Variants in PDE4D observed in about 807,000 individuals in gnomAD.
PDE4D encodes the protein phosphodiesterase 4D, also known as 3',5'-cyclic-AMP phosphodiesterase 4D.
A neutral mutation model predicts 87.4 loss-of-function variants in PDE4D; 24 were observed. The observed-to-expected ratio is 0.27, with a 90% confidence interval of 0.20 to 0.39. The LOEUF (loss-of-function observed/expected upper bound fraction) is 0.39. Ranked by LOEUF, PDE4D falls within the 10% of genes least tolerant of loss-of-function variation. PDE4D has a pLI of 1.00. For synonymous variants in PDE4D, 384 were observed against 383.2 expected (o/e 1.00, Z -0.02); for missense variants, 714 against 1,041.0 (o/e 0.69, Z 4.32).
chr5:59,212,940 C>G (rs939555969), intron 2 of PDE4D, among the ~76,000 whole-genome samples: 3 of 151,806 alleles, frequency 2.0e-5, no homozygotes, highest in Non-Finnish European at 4.4e-5. Flanking sequence ...CCTTTCTTCT[C>G]AAGCTGCCCC....
At position 59,979,373 on chromosome 5, in the gene PDE4D, A is replaced by T. The variant is rs1157328584; in HGVS notation, c.272+9115T>A. On this transcript the variant is annotated intron_variant, in intron 3 of 16. Transcript: ENST00000502484. ...TTATAAATTACATATTTAAAAAACAAGTATTCTAAAGTTTTTAATATCTAT... is the reference window on the plus strand; with the variant it reads ...TTATAAATTACATATTTAAAAAACATGTATTCTAAAGTTTTTAATATCTAT... 3.6e-5 allele frequency among the ~76,000 whole-genome samples: 5 copies of T among 139,706 alleles called. No homozygotes were observed. In the Admixed American group the frequency reaches 3.7e-4, roughly 10 times the overall value. The allele number at this position is 139,706 out of a possible 152,430, so 91.7% of individuals were successfully genotyped here.
At chr5:59,270,627 A>C (rs1763636575) in intron 1 of PDE4D, among the ~76,000 whole-genome samples, 1 of 152,214 alleles carries the variant, frequency 6.6e-6, no homozygotes, top group Non-Finnish European at 1.5e-5. Context: ...AACAACCAAC[A>C]GTCTTTCACA....
intron 1 of PDE4D, among the ~76,000 whole-genome samples, chr5:59,352,331 A>T (rs148622828): frequency 1.3e-5 from 2 of 152,266 alleles, no homozygotes; most frequent in African/African-American, 4.8e-5. Context: ...GCTGTGGCAC[A>T]CTAAAAACAA....
At chr5:59,645,879 C>G (rs1037593975) in intron 1 of PDE4D, among the ~76,000 whole-genome samples, 2 of 152,094 alleles carry the variant, frequency 1.3e-5, no homozygotes, top group Non-Finnish European at 2.9e-5. Context: ...TGTAACTTTT[C>G]TAAACTATCG....
chr5:60,456,520 G>C (rs1378058461), intron 1 of PDE4D, among the ~76,000 whole-genome samples: 1 of 152,174 alleles, frequency 6.6e-6, no homozygotes, highest in East Asian at 1.9e-4. Flanking sequence ...AACTCAGGTG[G>C]TCAAATGATT....
intron 1 of PDE4D, among the ~76,000 whole-genome samples, chr5:59,598,001 T>C (rs1826951611): frequency 6.6e-6 from 1 of 152,076 alleles, no homozygotes; most frequent in South Asian, 2.1e-4. Flanking sequence ...ACTATATAAA[T>C]CACTTAATAG....
intron 6 of PDE4D, 127 bp downstream of exon 6, chr5:59,038,732 G>C (rs556894025): frequency 4.5e-6 from 4 of 879,406 alleles, no homozygotes; most frequent in Non-Finnish European, 6.6e-6. Context: ...CTAAGGAGCA[G>C]AATAGCCAAC....
intron 3 of PDE4D, among the ~76,000 whole-genome samples, chr5:59,962,867 T>C (rs1393394683): frequency 1.3e-5 from 2 of 152,206 alleles, no homozygotes; most frequent in African/African-American, 2.4e-5. Context: ...TCACTTTGTA[T>C]TGGGCTTGTA....
At chr5:60,096,022 A>T (rs1205525992) in intron 2 of PDE4D, among the ~76,000 whole-genome samples, 1 of 151,932 alleles carries the variant, frequency 6.6e-6, no homozygotes. Context: ...GATTCCAAAA[A>T]TTTTCTCCCA....
At chr5:59,191,398 T>A (rs1026464631) in intron 3 of PDE4D, among the ~76,000 whole-genome samples, 1 of 151,806 alleles carries the variant, frequency 6.6e-6, no homozygotes, top group East Asian at 1.9e-4. Flanking sequence ...TTATATATAT[T>A]TTTTCTTATA....
chr5:59,015,535 A>G (rs1186974763), intron 6 of PDE4D, among the ~76,000 whole-genome samples: 3 of 151,910 alleles, frequency 2.0e-5, no homozygotes, highest in Non-Finnish European at 4.4e-5. Context: ...GCTCATCATG[A>G]CTGGCCATCA....
At chr5:59,053,642 TTTGTTTTTTTTTGTTGTTG>T (rs1354505875) in intron 5 of PDE4D, among the ~76,000 whole-genome samples, 65 of 105,050 alleles carry the variant, frequency 6.2e-4, no homozygotes, top group African/African-American at 2.6e-3. Context: ...TGTTTTGTTT[TTTGTTTTTTTTTGTTGTTG>T]TTTTTTTTTT....
At chr5:59,972,730 C>T (rs574375083) in intron 3 of PDE4D, among the ~76,000 whole-genome samples, 7 of 152,194 alleles carry the variant, frequency 4.6e-5, no homozygotes, top group Admixed American at 6.5e-5. Flanking sequence ...GAGAACCTCA[C>T]TGCTCTTAGA....
intron 2 of PDE4D, among the ~76,000 whole-genome samples, chr5:60,059,462 G>GT (rs1451701663): frequency 6.6e-6 from 1 of 152,020 alleles, no homozygotes; most frequent in African/African-American, 2.4e-5. Context: ...CCTAATGGTA[G>GT]TAAGGAACTG....
At chr5:60,242,719 G>A (rs1747268028) in intron 1 of PDE4D, among the ~76,000 whole-genome samples, 2 of 152,026 alleles carry the variant, frequency 1.3e-5, no homozygotes, top group African/African-American at 4.8e-5. Flanking sequence ...TAAACAATAT[G>A]CTCCTGAATG....
intron 1 of PDE4D, among the ~76,000 whole-genome samples, chr5:60,466,330 A>G (rs1747351145): frequency 6.6e-6 from 1 of 152,236 alleles, no homozygotes; most frequent in South Asian, 2.1e-4. Flanking sequence ...GATTTATCCT[A>G]TCAATGAATT....
intron 1 of PDE4D, among the ~76,000 whole-genome samples, chr5:59,315,752 C>T (rs1773591805): frequency 6.6e-6 from 1 of 152,096 alleles, no homozygotes; most frequent in South Asian, 2.1e-4. Context: ...CCTCTGGGGG[C>T]ACTAGACCAG....
intron 2 of PDE4D, among the ~76,000 whole-genome samples, chr5:59,201,505 A>G (rs1208984608): frequency 1.3e-5 from 2 of 152,160 alleles, no homozygotes; most frequent in Non-Finnish European, 2.9e-5. Flanking sequence ...AATTACTTAT[A>G]AAGGAGGCAT....
intron 1 of PDE4D, among the ~76,000 whole-genome samples, chr5:60,470,027 G>A (rs1747696495): frequency 6.6e-6 from 1 of 152,192 alleles, no homozygotes; most frequent in East Asian, 1.9e-4. Flanking sequence ...AAGCTCCTGT[G>A]CAAGTTAGCC....
Sources: gnomAD v4.1 joint callset for allele counts (sites outside exome capture counted in the v4.1 genomes callset) on GRCh38, gnomAD v4.1.1 for gene constraint, MANE v1.5 for transcripts, NCBI Gene and HGNC (gene_info 2026-07-23, HGNC 2026-07-21) for gene names.